KCNQ5: variants seen among roughly 807,000 people sequenced by gnomAD.
KCNQ5 encodes potassium voltage-gated channel subfamily Q member 5, also known as potassium voltage-gated channel subfamily KQT member 5.
In KCNQ5, 30 loss-of-function variants were observed where a neutral mutation model predicts 98.2. The ratio of observed to expected loss-of-function variants is 0.31; its 90% confidence interval spans 0.23 to 0.41. The LOEUF (loss-of-function observed/expected upper bound fraction) is 0.41, where lower values mean the gene tolerates loss of function less well. Among genes scored for constraint, KCNQ5 ranks in the 10% least tolerant of loss-of-function variants. The pLI, the probability that KCNQ5 is intolerant of heterozygous loss-of-function variation, is 1.00. For synonymous variants in KCNQ5, 458 were observed against 449.4 expected (o/e 1.02, Z -0.24); for missense variants, 835 against 1,182.5 (o/e 0.71, Z 4.31).
chr6:72,754,207 G>A (rs1186307666), intron 1 of KCNQ5, among the ~76,000 whole-genome samples: 1 of 151,944 alleles, frequency 6.6e-6, no homozygotes, highest in South Asian at 2.1e-4. Context: ...TCTATTCCAA[G>A]TTTGCTGAGG....
chr6:72,923,273 C>T (rs1375580520), intron 1 of KCNQ5, among the ~76,000 whole-genome samples: 2 of 152,116 alleles, frequency 1.3e-5, no homozygotes, highest in Admixed American at 6.6e-5. Flanking sequence ...CTAGATCATG[C>T]GATAATTCTA....
chr6:73,104,301 T>C (rs2051025), intron 5 of KCNQ5, among the ~76,000 whole-genome samples: 145,709 of 152,264 alleles, frequency 0.96, 69,714 homozygotes, highest in South Asian at 0.98. Flanking sequence ...TTTCTATACA[T>C]TAACAACAAA....
intron 1 of KCNQ5, among the ~76,000 whole-genome samples, chr6:72,696,442 G>A (rs570353116): frequency 1.4e-4 from 21 of 152,222 alleles, no homozygotes; most frequent in African/African-American, 4.6e-4. Context: ...TACACAATCT[G>A]TTTCCTTTTT....
At chr6:72,986,743 G>A (rs1768796895) in intron 1 of KCNQ5, 4 of 1,468,912 alleles carry the variant, frequency 2.7e-6, no homozygotes, top group Non-Finnish European at 2.8e-6. Flanking sequence ...CCTCTGGGGT[G>A]AAAACCTCCC....
At chr6:72,976,112 A>G (rs1022766140) in intron 1 of KCNQ5, among the ~76,000 whole-genome samples, 3 of 152,210 alleles carry the variant, frequency 2.0e-5, no homozygotes, top group African/African-American at 7.2e-5. Context: ...AAATAAGTTT[A>G]AGCTTATTTT....
At chr6:72,986,216 TGA>T (rs1164460769) in intron 1 of KCNQ5, 2 of 178,630 alleles carry the variant, frequency 1.1e-5, no homozygotes, top group East Asian at 2.7e-4. Context: ...GGTGACAGTG[TGA>T]GACTCCATCT....
At chr6:73,141,775 A>G (rs377005812) in intron 10 of KCNQ5, among the ~76,000 whole-genome samples, 1 of 152,208 alleles carries the variant, frequency 6.6e-6, no homozygotes, top group Admixed American at 6.5e-5. Flanking sequence ...TTTCATCAGC[A>G]AAGTGTGTGT....
In KCNQ5 at chr6:72,750,491, G is replaced by A. The variant is rs902310598; in HGVS notation, c.398+127904G>A. On this transcript the variant is annotated intron_variant, in intron 1 of 13. Transcript: ENST00000370398. ...ATTAATTTTATAAACAATAAAACTAGCTGTTGCTAGATGTCGGTTATAGAC... is the reference window on the plus strand; with the variant it reads ...ATTAATTTTATAAACAATAAAACTAACTGTTGCTAGATGTCGGTTATAGAC... 2.6e-5 allele frequency among the ~76,000 whole-genome samples: 4 copies of A among 151,948 alleles called. No homozygotes were observed. In the East Asian group the frequency reaches 5.8e-4, roughly 22 times the overall value.
At chr6:73,054,367 C>T (rs1425540815) in intron 3 of KCNQ5, among the ~76,000 whole-genome samples, 2 of 152,162 alleles carry the variant, frequency 1.3e-5, no homozygotes, top group Non-Finnish European at 2.9e-5. Flanking sequence ...GATACCAAAA[C>T]CTGGCAGGGA....
chr6:72,673,916 A>G (rs1299908101), intron 1 of KCNQ5, among the ~76,000 whole-genome samples: 2 of 152,212 alleles, frequency 1.3e-5, no homozygotes, highest in Non-Finnish European at 2.9e-5. Context: ...AAATGTTCTC[A>G]AACTAGAAGT....
chr6:72,904,449 TG>T (rs1779622993), intron 1 of KCNQ5, among the ~76,000 whole-genome samples: 1 of 152,302 alleles, frequency 6.6e-6, no homozygotes, highest in African/African-American at 2.4e-5. Flanking sequence ...ATTGTATTTT[TG>T]TTTTATAGGT....
intron 2 of KCNQ5, among the ~76,000 whole-genome samples, chr6:73,032,421 G>A (rs1771192368): frequency 6.6e-6 from 1 of 152,016 alleles, no homozygotes; most frequent in Non-Finnish European, 1.5e-5. Flanking sequence ...GCTTACCAAG[G>A]TCTCCCAGAG....
At chr6:72,625,267 G>A (rs1372445708) in intron 1 of KCNQ5, among the ~76,000 whole-genome samples, 1 of 152,170 alleles carries the variant, frequency 6.6e-6, no homozygotes, top group Non-Finnish European at 1.5e-5. Flanking sequence ...ACATATCCTA[G>A]CCTATTGATA....
intron 3 of KCNQ5, among the ~76,000 whole-genome samples, chr6:73,062,207 T>G (rs555363141): frequency 6.6e-6 from 1 of 152,316 alleles, no homozygotes; most frequent in East Asian, 1.9e-4. Flanking sequence ...TCATCTATGT[T>G]TCTCCCAGAA....
At chr6:73,177,137 A>G (rs1160204470) in intron 11 of KCNQ5, among the ~76,000 whole-genome samples, 1 of 152,238 alleles carries the variant, frequency 6.6e-6, no homozygotes, top group Non-Finnish European at 1.5e-5. Context: ...AGGTCAAAGA[A>G]GATAAAGAGT....
chr6:72,639,634 G>A lies in KCNQ5; in HGVS notation c.398+17047G>A, dbSNP rs757315305. Among the ~76,000 whole-genome samples, 47 of 152,280 alleles carry A rather than the reference G, an allele frequency of 3.1e-4. No homozygotes were observed. The Middle Eastern group carries it at 0.01, about 33-fold the overall frequency. On this transcript the variant is annotated intron_variant, in intron 1 of 13. Coordinates refer to ENST00000370398, the MANE Select transcript of KCNQ5 (RefSeq NM_019842.4). ...GAAACCAGGGATATCTGGTTGGAAA[G>A]CAATCTTGCAGTCTCTAAGAGAGAT...
intron 1 of KCNQ5, among the ~76,000 whole-genome samples, chr6:72,758,754 C>G (rs1772103560): frequency 6.6e-6 from 1 of 152,090 alleles, no homozygotes; most frequent in Non-Finnish European, 1.5e-5. Flanking sequence ...ACTGTGCATT[C>G]TGTGTTGCAT....
At chr6:72,906,423 T>C (rs1409933778) in intron 1 of KCNQ5, among the ~76,000 whole-genome samples, 1 of 152,198 alleles carries the variant, frequency 6.6e-6, no homozygotes, top group Non-Finnish European at 1.5e-5. Flanking sequence ...GGAGGCTTCT[T>C]GACCAGTTCA....
intron 1 of KCNQ5, among the ~76,000 whole-genome samples, chr6:72,711,292 C>A (rs1769359252): frequency 6.6e-6 from 1 of 152,082 alleles, no homozygotes; most frequent in African/African-American, 2.4e-5. Flanking sequence ...CCTGCCAACA[C>A]CATGATCTTG....
Sources: allele counts gnomAD v4.1 joint callset (sites outside exome capture counted in the v4.1 genomes callset), GRCh38; gene constraint gnomAD v4.1.1; transcripts MANE v1.5; gene names NCBI Gene and HGNC (gene_info 2026-07-23, HGNC 2026-07-21).